Variants in SORCS1 observed in about 807,000 individuals in gnomAD.
SORCS1 encodes VPS10 domain-containing receptor SorCS1.
A neutral mutation model predicts 146.1 loss-of-function variants in SORCS1; 60 were observed. The ratio of observed to expected loss-of-function variants is 0.41; its 90% CI spans 0.33 to 0.51. The LOEUF (loss-of-function observed/expected upper bound fraction) is 0.51. Among genes scored for constraint, SORCS1 ranks in the 20% least tolerant of loss-of-function variants. SORCS1 has a pLI of 0.21. For synonymous variants in SORCS1, 637 were observed against 584.0 expected, an observed-to-expected ratio of 1.09 and a Z score of -1.31; for missense variants, 1,352 against 1,487.6, an observed-to-expected ratio of 0.91 and a Z score of 1.50.
At chr10:107,127,033 T>C (rs113273761) in intron 1 of SORCS1, among the ~76,000 whole-genome samples, 1 of 152,078 alleles carries the variant, frequency 6.6e-6, no homozygotes, top group African/African-American at 2.4e-5. Flanking sequence ...GATTTACAGA[T>C]CTTTGATGGC....
At chr10:106,822,876 G>A (rs111634898) in intron 3 of SORCS1, among the ~76,000 whole-genome samples, 14,677 of 149,576 alleles carry the variant, frequency 0.098, 863 homozygotes, top group South Asian at 0.16. Flanking sequence ...CACCTCCCAG[G>A]TTCAAGTGAT....
At chr10:107,111,883 C>A (rs1324041038) in intron 1 of SORCS1, among the ~76,000 whole-genome samples, 1 of 152,150 alleles carries the variant, frequency 6.6e-6, no homozygotes, top group African/African-American at 2.4e-5. Context: ...GCAGACATCT[C>A]AACAGAAGCC....
rs1171888898 is a variant in SORCS1 at position 107,164,319 on chromosome 10, G to A, written c.208C>T (p.Leu70=). 1.3e-6 allele frequency: 2 copies of A among 1,563,436 alleles called. No individual in the cohort carries two copies. Among genetic ancestry groups the A allele is most frequent in the African/African-American group, 1.4e-5 (1 of 73,988 alleles). Residue 70 remains leucine, a synonymous_variant, in exon 1 of 26, where the codon CTG becomes TTG. Transcript: ENST00000263054. The surrounding 1 kb of genome is among the most constrained non-coding windows in gnomAD (Gnocchi z 6.8). ...GRPGRAPATP[L]PLVVRPLFSV... ...AACAGGGGACGCACTACGAGGGGCAGGGGCGTGGCAGGAGCCCTGCCTGGC... is the reference window on the plus strand; with the variant it reads ...AACAGGGGACGCACTACGAGGGGCAAGGGCGTGGCAGGAGCCCTGCCTGGC...
intron 17 of SORCS1, among the ~76,000 whole-genome samples, chr10:106,654,454 G>T (rs532841651): frequency 6.6e-6 from 1 of 152,072 alleles, no homozygotes; most frequent in Non-Finnish European, 1.5e-5. Context: ...ACCCTTAAAA[G>T]AATCCTTACG....
chr10:106,768,754 CT>C (rs1055637650), intron 4 of SORCS1, among the ~76,000 whole-genome samples: 3 of 152,214 alleles, frequency 2.0e-5, no homozygotes, highest in Non-Finnish European at 4.4e-5. Context: ...CTAAGACATG[CT>C]TTGTCTAATT....
At chr10:106,582,855 C>T (rs577841377) in intron 24 of SORCS1, among the ~76,000 whole-genome samples, 98 of 152,160 alleles carry the variant, frequency 6.4e-4, no homozygotes, top group South Asian at 1.2e-3. Context: ...GGACCTGGAA[C>T]GATAATAATG....
At chr10:107,003,381 C>T (rs1008992597) in intron 1 of SORCS1, among the ~76,000 whole-genome samples, 5 of 150,842 alleles carry the variant, frequency 3.3e-5, no homozygotes, top group Non-Finnish European at 7.4e-5. Context: ...TATGTATAGC[C>T]AAAGTATGCA....
intron 3 of SORCS1, among the ~76,000 whole-genome samples, chr10:106,806,925 A>G (rs564192126): frequency 8.5e-5 from 13 of 152,232 alleles, no homozygotes; most frequent in African/African-American, 2.9e-4. Context: ...CTATCATGCT[A>G]TAAGTGGAGC....
intron 3 of SORCS1, among the ~76,000 whole-genome samples, chr10:106,800,279 A>G (rs822000): frequency 0.52 from 78,474 of 151,998 alleles, 21,550 homozygotes; most frequent in African/African-American, 0.72. Flanking sequence ...GTAATTGGTC[A>G]TGTCCATGAA....
chr10:106,610,448 G>T (rs981789870), intron 22 of SORCS1, among the ~76,000 whole-genome samples: 1 of 152,030 alleles, frequency 6.6e-6, no homozygotes, highest in African/African-American at 2.4e-5. Flanking sequence ...TTAAAATAAT[G>T]CAAAGCACTC....
intron 24 of SORCS1, among the ~76,000 whole-genome samples, chr10:106,590,288 T>C (rs1845523450): frequency 6.6e-6 from 1 of 152,154 alleles, no homozygotes; most frequent in South Asian, 2.1e-4. Flanking sequence ...TCTCCTCATT[T>C]AGAATTTAGT....
chr10:106,808,589 G>A (rs148553424), intron 3 of SORCS1, among the ~76,000 whole-genome samples: 617 of 151,864 alleles, frequency 4.1e-3, no homozygotes, highest in African/African-American at 0.013. Flanking sequence ...TGCAAGCTCC[G>A]CCTCCCGGGT....
intron 1 of SORCS1, among the ~76,000 whole-genome samples, chr10:107,061,605 C>T (rs1193887253): frequency 6.6e-6 from 1 of 152,112 alleles, no homozygotes; most frequent in Non-Finnish European, 1.5e-5. Context: ...TTATGTTTTC[C>T]TTTTTGCCTT....
chr10:106,792,175 T>C lies in SORCS1; in HGVS notation c.727-15483A>G, dbSNP rs779528165. Among the ~76,000 whole-genome samples, 6 of 152,210 alleles carry C rather than the reference T, an allele frequency of 3.9e-5. No individual in the cohort carries two copies. The East Asian group carries it at 9.6e-4, about 24-fold the overall frequency. ...ATTATACACACATAGACATGGGTGA[T>C]CCCAAGTGCGTATTTCAAGCTCGAA... On this transcript the variant is annotated intron_variant, in intron 3 of 25. Coordinates refer to ENST00000263054, the MANE Select transcript of SORCS1 (RefSeq NM_052918.5).
At chr10:106,649,980 C>T (rs1849741407) in intron 18 of SORCS1, among the ~76,000 whole-genome samples, 1 of 152,022 alleles carries the variant, frequency 6.6e-6, no homozygotes. Context: ...GTTCAATTTT[C>T]CACCTTTTCT....
intron 19 of SORCS1, among the ~76,000 whole-genome samples, chr10:106,620,897 T>C (rs1336757038): frequency 6.6e-6 from 1 of 152,166 alleles, no homozygotes; most frequent in Non-Finnish European, 1.5e-5. Context: ...TTCCAAGAGG[T>C]TGTATCCCTG....
At chr10:106,972,538 T>G (rs1012771448) in intron 1 of SORCS1, among the ~76,000 whole-genome samples, 2 of 151,982 alleles carry the variant, frequency 1.3e-5, no homozygotes, top group Admixed American at 1.3e-4. Flanking sequence ...TTCTTCTTTT[T>G]TTTTTTGGCC....
chr10:106,957,461 C>T (rs900867415), intron 1 of SORCS1, among the ~76,000 whole-genome samples: 14 of 152,010 alleles, frequency 9.2e-5, no homozygotes, highest in Admixed American at 2.0e-4. Context: ...TGTGAGCCAC[C>T]GCACCTGGCC....
At chr10:107,175,768 A>G in the SORCS1 span, among the ~76,000 whole-genome samples, 36,444 of 152,074 alleles carry the variant, frequency 0.24, 4,648 homozygotes, top group African/African-American at 0.32. Flanking sequence ...GTTTTGGTAC[A>G]TTGTGTTTTT....
Sources: gnomAD v4.1 joint callset for allele counts (sites outside exome capture counted in the v4.1 genomes callset) on GRCh38, gnomAD v4.1.1 for gene constraint, Gnocchi (gnomAD v3.1) non-coding constraint, MANE v1.5 for transcripts, NCBI Gene and HGNC (gene_info 2026-07-23, HGNC 2026-07-21) for gene names.